ACBD6: variants seen among roughly 807,000 people sequenced by gnomAD.
ACBD6 encodes acyl-CoA-binding domain-containing protein 6.
A neutral mutation model predicts 37.2 loss-of-function variants in ACBD6; 28 were observed. The observed-to-expected ratio is 0.75, with a 90% CI of 0.56 to 1.03. The LOEUF is 1.03. ACBD6 is among the 50% of genes least tolerant of loss of function. ACBD6 has a pLI of 0.00. For missense variants in ACBD6, 340 were observed against 337.4 expected (o/e 1.01, Z -0.06); for synonymous variants, 113 against 126.8 (o/e 0.89, Z 0.73).
chr1:180,368,558 G>C (rs1653138105), intron 6 of ACBD6, among the ~76,000 whole-genome samples: 1 of 152,000 alleles, frequency 6.6e-6, no homozygotes. Context: ...TTTGTATGTG[G>C]TGTAAGGAAG....
intron 3 of ACBD6, among the ~76,000 whole-genome samples, chr1:180,466,126 TG>T (rs1650340036): frequency 6.6e-6 from 1 of 152,146 alleles, no homozygotes; most frequent in South Asian, 2.1e-4. Context: ...AACCTTCACA[TG>T]TACCCATAAA....
intron 6 of ACBD6, among the ~76,000 whole-genome samples, chr1:180,375,962 T>C (rs1361305884): frequency 2.6e-5 from 4 of 152,064 alleles, no homozygotes; most frequent in Admixed American, 6.5e-5. Context: ...CCATGGTATA[T>C]AAAGAACTCT....
chr1:180,382,205 CAA>C (rs775727892), intron 6 of ACBD6, among the ~76,000 whole-genome samples: 4 of 150,212 alleles, frequency 2.7e-5, no homozygotes, highest in African/African-American at 7.3e-5. Context: ...CAAAACTAAA[CAA>C]GAGACTAAAA....
chr1:180,407,250 T>C (rs1647663899), intron 5 of ACBD6, among the ~76,000 whole-genome samples: 1 of 152,244 alleles, frequency 6.6e-6, no homozygotes, highest in Non-Finnish European at 1.5e-5. Flanking sequence ...TCTCAGTCTA[T>C]GAATGTGTAA....
At chr1:180,439,876 T>C (rs1234766985) in intron 3 of ACBD6, among the ~76,000 whole-genome samples, 1 of 152,204 alleles carries the variant, frequency 6.6e-6, no homozygotes, top group Non-Finnish European at 1.5e-5. Context: ...TCTTCACATG[T>C]TGAGGCTGAA....
chr1:180,457,432 C>CTGGGTGAATT (rs1245525370), intron 3 of ACBD6, among the ~76,000 whole-genome samples: 12 of 152,166 alleles, frequency 7.9e-5, no homozygotes, highest in Non-Finnish European at 1.5e-4. Flanking sequence ...CCCAGATAGT[C>CTGGGTGAATT]CTACGGGGAG....
chr1:180,476,158 G>C (rs886537731), intron 3 of ACBD6, among the ~76,000 whole-genome samples: 3 of 152,124 alleles, frequency 2.0e-5, no homozygotes, highest in African/African-American at 7.2e-5. Flanking sequence ...TTTATCCCCA[G>C]GTAAAATCAT....
intron 6 of ACBD6, among the ~76,000 whole-genome samples, chr1:180,343,109 C>T (rs1652041009): frequency 1.3e-5 from 2 of 151,616 alleles, no homozygotes; most frequent in African/African-American, 2.4e-5. Context: ...ATAGATGAAA[C>T]ATTAGGGTAA....
chr1:180,331,792 T>C (rs1289511468), intron 6 of ACBD6, among the ~76,000 whole-genome samples: 3 of 152,200 alleles, frequency 2.0e-5, no homozygotes, highest in Non-Finnish European at 4.4e-5. Flanking sequence ...CCCCAAGACT[T>C]CATGTTAATA....
At chr1:180,491,780 G>A (rs1458547719) in intron 3 of ACBD6, among the ~76,000 whole-genome samples, 1 of 152,084 alleles carries the variant, frequency 6.6e-6, no homozygotes, top group Non-Finnish European at 1.5e-5. Context: ...ATCAGTAGCT[G>A]GTTATATTAC....
At chr1:180,315,109 C>CA (rs998547294) in intron 6 of ACBD6, among the ~76,000 whole-genome samples, 115 of 152,098 alleles carry the variant, frequency 7.6e-4, no homozygotes, top group African/African-American at 2.3e-3. Context: ...GTCCCCAAAT[C>CA]TATCTAGCGA....
intron 3 of ACBD6, among the ~76,000 whole-genome samples, chr1:180,486,757 G>C (rs1012403360): frequency 2.0e-5 from 3 of 152,092 alleles, no homozygotes; most frequent in African/African-American, 4.8e-5. Flanking sequence ...TAATTACAAA[G>C]GGAAAAATAG....
chr1:180,272,156 G>A, intron 13 of ACBD6: 1 of 700,922 alleles, frequency 1.4e-6, no homozygotes, highest in Non-Finnish European at 2.3e-6. Context: ...GAAGGGTGGG[G>A]GAAATGGTAG....
chr1:180,305,047 C>T (rs1019630053), intron 7 of ACBD6, among the ~76,000 whole-genome samples: 1 of 151,052 alleles, frequency 6.6e-6, no homozygotes, highest in Non-Finnish European at 1.5e-5. Flanking sequence ...ACTGGCTAGT[C>T]ATAGAAAGCT....
chr1:180,439,092 G>A (rs1649176356), intron 3 of ACBD6, among the ~76,000 whole-genome samples: 1 of 152,004 alleles, frequency 6.6e-6, no homozygotes, highest in African/African-American at 2.4e-5. Flanking sequence ...GTCTTTTCAT[G>A]GTCTAATAGC....
intron 7 of ACBD6, among the ~76,000 whole-genome samples, chr1:180,293,363 A>T (rs571098180): frequency 3.0e-4 from 45 of 149,574 alleles, no homozygotes; most frequent in Admixed American, 8.0e-4. Context: ...CAATGGTGCA[A>T]ATGGCATGAT....
intron 6 of ACBD6, among the ~76,000 whole-genome samples, chr1:180,392,477 A>G (rs988138407): frequency 6.6e-6 from 1 of 152,228 alleles, no homozygotes; most frequent in Non-Finnish European, 1.5e-5. Flanking sequence ...TACAGTGAAT[A>G]GGTTAAGAGC....
intron 6 of ACBD6, chr1:180,326,317 C>G (rs1444369548): frequency 1.3e-5 from 2 of 152,786 alleles, no homozygotes; most frequent in Non-Finnish European, 2.9e-5. Flanking sequence ...ACCACCAGCC[C>G]ATGGAGAGCT....
intron 6 of ACBD6, among the ~76,000 whole-genome samples, chr1:180,333,902 G>A (rs920851405): frequency 2.0e-5 from 3 of 152,210 alleles, no homozygotes; most frequent in Admixed American, 6.5e-5. Context: ...CTATGCCCAC[G>A]GAGCCTCGCT....
Sources: gnomAD v4.1 joint callset for allele counts (sites outside exome capture counted in the v4.1 genomes callset) on GRCh38, gnomAD v4.1.1 for gene constraint, MANE v1.5 for transcripts, NCBI Gene and HGNC (gene_info 2026-07-23, HGNC 2026-07-21) for gene names.